The following LRIF1 variants were observed in gnomAD, a reference collection of about 807,000 sequenced individuals.
The protein encoded by LRIF1 is ligand-dependent nuclear receptor-interacting factor 1.
Under a neutral mutation model 52.7 loss-of-function variants are expected in LRIF1, and 32 were observed. The observed-to-expected ratio is 0.61, with a 90% confidence interval of 0.46 to 0.82. The LOEUF (loss-of-function observed/expected upper bound fraction) is 0.82. Among genes scored for constraint, LRIF1 ranks in the 40% least tolerant of loss-of-function variants. The probability of loss-of-function intolerance (pLI) is 0.00; values close to 1 mark genes in which losing one functional copy is unlikely to be tolerated. For synonymous variants in LRIF1, 323 were observed against 317.4 expected (o/e 1.02, Z -0.19); for missense variants, 887 against 892.0 (o/e 0.99, Z 0.07).
At chr1:110,910,292 CA>C in the LRIF1 span, among the ~76,000 whole-genome samples, 5,616 of 134,388 alleles carry the variant, frequency 0.042, 109 homozygotes, top group Middle Eastern at 0.1. Context: ...AAGCAATTCT[CA>C]AAAAAAAAAA....
intron 1 of LRIF1, chr1:110,963,249 A>T (rs919170175): frequency 3.7e-5 from 6 of 163,066 alleles, no homozygotes; most frequent in Non-Finnish European, 8.0e-5. Context: ...CCAGGGCTGC[A>T]CTTGCTAATC....
chr1:110,911,310 C>A, the LRIF1 span, among the ~76,000 whole-genome samples: 1 of 152,030 alleles, frequency 6.6e-6, no homozygotes, highest in Admixed American at 6.5e-5. Context: ...AAACTGAAAT[C>A]CTGAACAGAT....
At chr1:110,886,869 A>ATATATATATATATATATATATATTTTTTT in the LRIF1 span, among the ~76,000 whole-genome samples, 1 of 82,782 alleles carries the variant, frequency 1.2e-5, no homozygotes, top group Non-Finnish European at 2.2e-5. Flanking sequence ...ATATATATAT[A>ATATATATATATATATATATATATTTTTTT]TTTTTTTTTT....
chr1:110,918,157 C>T, the LRIF1 span, among the ~76,000 whole-genome samples: 1 of 152,070 alleles, frequency 6.6e-6, no homozygotes, highest in African/African-American at 2.4e-5. Context: ...CACACACATA[C>T]AAAACCAAAA....
At chr1:110,902,495 T>TAAAAAAAGAAAAAAAAAAAA in the LRIF1 span, among the ~76,000 whole-genome samples, 2 of 72,664 alleles carry the variant, frequency 2.8e-5, no homozygotes, top group African/African-American at 1.4e-4. Flanking sequence ...AATCAATCAC[T>TAAAAAAAGAAAAAAAAAAAA]AAAAAAAAAA....
the LRIF1 span, among the ~76,000 whole-genome samples, chr1:110,917,437 A>G: frequency 1.8e-4 from 28 of 152,312 alleles, no homozygotes; most frequent in East Asian, 3.9e-3. Flanking sequence ...GTGTATTTGT[A>G]TATTCAAGTG....
chr1:110,903,343 G>C, the LRIF1 span, among the ~76,000 whole-genome samples: 3 of 152,192 alleles, frequency 2.0e-5, no homozygotes, highest in Non-Finnish European at 2.9e-5. Flanking sequence ...AGGCTGCACA[G>C]CTCACAGCTT....
chr1:110,939,618 A>C, the LRIF1 span: 5 of 152,336 alleles, frequency 3.3e-5, no homozygotes, highest in East Asian at 9.6e-4. Flanking sequence ...CCAAAACAGC[A>C]TGGCATTGGC....
At chr1:110,902,687 A>C in the LRIF1 span, among the ~76,000 whole-genome samples, 3 of 152,182 alleles carry the variant, frequency 2.0e-5, no homozygotes, top group East Asian at 5.8e-4. Context: ...AGTTATAACA[A>C]TGTGTTCCTT....
chr1:110,940,239 A>G, the LRIF1 span: 1 of 152,242 alleles, frequency 6.6e-6, no homozygotes, highest in African/African-American at 2.4e-5. Flanking sequence ...TGTGTTCAAC[A>G]TCACTGATCA....
the LRIF1 span, among the ~76,000 whole-genome samples, chr1:110,893,846 C>T: frequency 4.6e-5 from 7 of 152,290 alleles, no homozygotes; most frequent in East Asian, 7.7e-4. Flanking sequence ...GAGTAAGCAT[C>T]GAAAGCTGGA....
the LRIF1 span, among the ~76,000 whole-genome samples, chr1:110,877,849 T>G: frequency 1.3e-5 from 2 of 152,240 alleles, no homozygotes; most frequent in African/African-American, 2.4e-5. Flanking sequence ...AACTGCTTAT[T>G]ACTCTTCAAA....
downstream of LRIF1, chr1:110,942,245 C>A (rs1033189378): frequency 9.9e-5 from 15 of 152,118 alleles, no homozygotes; most frequent in Non-Finnish European, 1.8e-4. Flanking sequence ...GCCTTCCCAA[C>A]AGAATGTATT....
At chr1:110,932,629 AT>A in the LRIF1 span, among the ~76,000 whole-genome samples, 2 of 151,982 alleles carry the variant, frequency 1.3e-5, no homozygotes, top group East Asian at 1.9e-4. Context: ...GTAATGTTTT[AT>A]TATTGATGCT....
downstream of LRIF1, among the ~76,000 whole-genome samples, chr1:110,945,819 G>A (rs1047652523): frequency 6.6e-6 from 1 of 152,148 alleles, no homozygotes; most frequent in Non-Finnish European, 1.5e-5. Flanking sequence ...ACATTCTGCT[G>A]ATAAATCAAG....
At chr1:110,946,464 TG>T (rs1658206551), downstream of LRIF1, among the ~76,000 whole-genome samples, 1 of 152,130 alleles carries the variant, frequency 6.6e-6, no homozygotes, top group Admixed American at 6.5e-5. Context: ...ACCAGAGAAC[TG>T]TGTACTTTAA....
the LRIF1 span, among the ~76,000 whole-genome samples, chr1:110,924,233 A>G: frequency 6.6e-6 from 1 of 152,216 alleles, no homozygotes; most frequent in African/African-American, 2.4e-5. Flanking sequence ...CAAAAATATT[A>G]TCATAAAGAA....
At chr1:110,918,873 C>T in the LRIF1 span, among the ~76,000 whole-genome samples, 2 of 152,158 alleles carry the variant, frequency 1.3e-5, no homozygotes, top group Non-Finnish European at 2.9e-5. Context: ...AGAAGAAAAA[C>T]CACTCCCTCC....
At chr1:110,958,559 A>G (rs767504284) in intron 1 of LRIF1, among the ~76,000 whole-genome samples, 7 of 152,188 alleles carry the variant, frequency 4.6e-5, no homozygotes, top group Admixed American at 3.3e-4. Flanking sequence ...ATAGTATTTT[A>G]TATGATGTCT....
Sources: gnomAD v4.1 joint callset for allele counts (sites outside exome capture counted in the v4.1 genomes callset) on GRCh38, gnomAD v4.1.1 for gene constraint, MANE v1.5 for transcripts, NCBI Gene and HGNC (gene_info 2026-07-23, HGNC 2026-07-21) for gene names.